DACH1: variants seen among roughly 807,000 people sequenced by gnomAD.
DACH1 encodes the protein dachshund homolog 1.
A neutral mutation model predicts 54.2 loss-of-function variants in DACH1; 12 were observed. The ratio of observed to expected loss-of-function variants is 0.22; its 90% CI spans 0.14 to 0.36. The LOEUF (loss-of-function observed/expected upper bound fraction) is 0.36, where lower values mean the gene tolerates loss of function less well. Among genes scored for constraint, DACH1 ranks in the 10% least tolerant of loss-of-function variants. DACH1 has a pLI of 1.00. For missense variants in DACH1, 805 were observed against 929.8 expected, an observed-to-expected ratio of 0.87 and a Z score of 1.75; for synonymous variants, 386 against 366.2, an observed-to-expected ratio of 1.05 and a Z score of -0.62.
intron 1 of DACH1, among the ~76,000 whole-genome samples, chr13:71,705,178 T>G (rs1318471443): frequency 6.6e-6 from 1 of 152,174 alleles, no homozygotes; most frequent in Non-Finnish European, 1.5e-5. Context: ...ATCAAACAGC[T>G]AAGTACAGAG....
intron 3 of DACH1, among the ~76,000 whole-genome samples, chr13:71,580,204 T>C (rs1246413095): frequency 6.6e-6 from 1 of 152,210 alleles, no homozygotes; most frequent in Non-Finnish European, 1.5e-5. Context: ...TTCTTCAAAA[T>C]AAAGCAGTTT....
intron 2 of DACH1, among the ~76,000 whole-genome samples, chr13:71,633,652 A>G (rs1011523805): frequency 2.6e-5 from 4 of 152,078 alleles, no homozygotes; most frequent in Admixed American, 2.0e-4. Flanking sequence ...TAACTTAACT[A>G]CAACACTTTT....
At chr13:71,639,024 A>T (rs895002636) in intron 2 of DACH1, among the ~76,000 whole-genome samples, 5 of 152,220 alleles carry the variant, frequency 3.3e-5, no homozygotes, top group Non-Finnish European at 7.4e-5. Context: ...GGTGCATTGT[A>T]AGCTCCACAT....
At chr13:71,740,499 G>T (rs927872177) in intron 1 of DACH1, among the ~76,000 whole-genome samples, 2 of 151,956 alleles carry the variant, frequency 1.3e-5, no homozygotes, top group Admixed American at 6.6e-5. Context: ...ATCAAACCTT[G>T]GCCTATGTTC....
intron 1 of DACH1, among the ~76,000 whole-genome samples, chr13:71,733,562 A>C (rs1053031498): frequency 6.6e-6 from 1 of 152,126 alleles, no homozygotes; most frequent in Non-Finnish European, 1.5e-5. Context: ...AAGAATTGTT[A>C]AAAGTATTCA....
chr13:71,771,131 C>G (rs921133800), intron 1 of DACH1, among the ~76,000 whole-genome samples: 1 of 151,118 alleles, frequency 6.6e-6, no homozygotes, highest in Non-Finnish European at 1.5e-5. Flanking sequence ...TTTAAACTCC[C>G]TAGCCTAAAA....
intron 1 of DACH1, among the ~76,000 whole-genome samples, chr13:71,801,531 CA>C (rs1887287150): frequency 2.0e-5 from 3 of 151,998 alleles, no homozygotes; most frequent in South Asian, 2.1e-4. Context: ...GATTCATTTA[CA>C]AAAAAGTTTA....
chr13:71,838,134 A>G (rs1888871691), intron 1 of DACH1, among the ~76,000 whole-genome samples: 1 of 151,866 alleles, frequency 6.6e-6, no homozygotes. Context: ...TAAGAGAAAT[A>G]TAAACTCAAA....
At chr13:71,835,429 T>A (rs556489883) in intron 1 of DACH1, among the ~76,000 whole-genome samples, 49 of 152,142 alleles carry the variant, frequency 3.2e-4, no homozygotes, top group African/African-American at 1.1e-3. Flanking sequence ...AAAATGAAAA[T>A]AAAACAACAA....
intron 10 of DACH1, among the ~76,000 whole-genome samples, chr13:71,443,314 C>A (rs1874167853): frequency 1.3e-5 from 2 of 151,780 alleles, no homozygotes; most frequent in African/African-American, 4.8e-5. Flanking sequence ...CTTTTCAGGA[C>A]TGGGAGTGGT....
At chr13:71,475,631 T>TA in intron 9 of DACH1, 75 bp downstream of exon 9, 1 of 1,486,922 alleles carries the variant, frequency 6.7e-7, no homozygotes. Context: ...CATACAAAAC[T>TA]ACAAACACAT....
chr13:71,756,188 A>G (rs1017571548), intron 1 of DACH1, among the ~76,000 whole-genome samples: 3 of 151,200 alleles, frequency 2.0e-5, no homozygotes, highest in Non-Finnish European at 4.4e-5. Flanking sequence ...ATGCCACCAC[A>G]CTCGGCTAAT....
chr13:71,500,469 C>CT (rs1879818207), intron 6 of DACH1, among the ~76,000 whole-genome samples: 1 of 152,134 alleles, frequency 6.6e-6, no homozygotes, highest in Admixed American at 6.6e-5. Flanking sequence ...GAAATACACA[C>CT]TAGCTCTGGT....
chr13:71,705,957 C>T (rs1469555156), intron 1 of DACH1, among the ~76,000 whole-genome samples: 1 of 151,958 alleles, frequency 6.6e-6, no homozygotes, highest in Non-Finnish European at 1.5e-5. Context: ...CTTCTGTACC[C>T]TTGTACAATA....
intron 3 of DACH1, among the ~76,000 whole-genome samples, chr13:71,605,903 A>G (rs1874847345): frequency 6.6e-6 from 1 of 151,956 alleles, no homozygotes; most frequent in African/African-American, 2.4e-5. Context: ...CTGAATAATA[A>G]CTTAGACTCA....
intron 6 of DACH1, among the ~76,000 whole-genome samples, chr13:71,556,421 G>C (rs941194579): frequency 1.3e-5 from 2 of 151,948 alleles, no homozygotes; most frequent in Admixed American, 1.3e-4. Context: ...CTAATATGCT[G>C]ACTAAAATAT....
chr13:71,486,365 G>C (rs888967653), intron 7 of DACH1, among the ~76,000 whole-genome samples: 1 of 152,092 alleles, frequency 6.6e-6, no homozygotes, highest in Non-Finnish European at 1.5e-5. Context: ...AGAGGAAATT[G>C]AGGTAGGCAG....
At chr13:71,529,134 T>A (rs1446403245) in intron 6 of DACH1, among the ~76,000 whole-genome samples, 1 of 151,908 alleles carries the variant, frequency 6.6e-6, no homozygotes, top group Non-Finnish European at 1.5e-5. Flanking sequence ...TGTATTAATG[T>A]TACTGTTATG....
intron 3 of DACH1, among the ~76,000 whole-genome samples, chr13:71,610,922 T>C (rs536403269): frequency 6.6e-6 from 1 of 152,338 alleles, no homozygotes; most frequent in African/African-American, 2.4e-5. Flanking sequence ...TCTGATCATT[T>C]GTTTAACCTA....
Sources: allele counts gnomAD v4.1 joint callset (sites outside exome capture counted in the v4.1 genomes callset), GRCh38; gene constraint gnomAD v4.1.1; transcripts MANE v1.5; gene names NCBI Gene and HGNC (gene_info 2026-07-23, HGNC 2026-07-21).